Variants in UBA5 observed in about 807,000 individuals in gnomAD.
UBA5 encodes the protein ubiquitin-like modifier-activating enzyme 5.
Under a neutral mutation model 52.9 loss-of-function variants are expected in UBA5, and 28 were observed. That is an observed-to-expected ratio of 0.53 (90% confidence interval 0.39 to 0.73). UBA5 has a LOEUF of 0.73. UBA5 is among the 30% of genes least tolerant of loss of function. The probability of loss-of-function intolerance (pLI) is 0.00; values close to 1 mark genes in which losing one functional copy is unlikely to be tolerated. For missense variants in UBA5, 388 were observed against 492.7 expected (o/e 0.79, Z 2.01); for synonymous variants, 135 against 162.1 (o/e 0.83, Z 1.27).
upstream of UBA5, among the ~76,000 whole-genome samples, chr3:132,658,236 T>C (rs1200055187): frequency 1.3e-5 from 2 of 152,182 alleles, no homozygotes; most frequent in African/African-American, 4.8e-5. Context: ...CTATGTGTTT[T>C]CAATTTTTAT....
rs1938086549 is a variant in UBA5, at chr3:132,660,437, G to A, written c.-101G>A. 6.9e-7 allele frequency: 1 copy of A among 1,452,204 alleles called. No individual in the cohort carries two copies. Among genetic ancestry groups the A allele is most frequent in the Admixed American group, 2.1e-5 (1 of 48,378 alleles). The allele number at this position is 1,452,204 out of a possible 1,614,324, so 90.0% of individuals were successfully genotyped here. On this transcript the variant is annotated 5_prime_UTR_variant, in exon 1 of 12. Coordinates refer to ENST00000356232, the MANE Select transcript of UBA5 (RefSeq NM_024818.6). This position sits in a 1 kb window ranked among gnomAD's most constrained non-coding sequence, Gnocchi z 4.1. Reference sequence around the variant, plus strand: ...CTCTGGGCTAGGAAGGCAGCGGCGAGGTGCCTCCCCACGTACCCCTCGCGG... The same window carrying A: ...CTCTGGGCTAGGAAGGCAGCGGCGAAGTGCCTCCCCACGTACCCCTCGCGG...
At chr3:132,672,693 C>G (rs1289508253) in intron 8 of UBA5, among the ~76,000 whole-genome samples, 2 of 152,080 alleles carry the variant, frequency 1.3e-5, no homozygotes, top group Non-Finnish European at 2.9e-5. Flanking sequence ...AAAATGTTAA[C>G]ATTTATATTA....
intron 4 of UBA5, among the ~76,000 whole-genome samples, chr3:132,669,283 T>G (rs1938504856): frequency 6.6e-6 from 1 of 152,108 alleles, no homozygotes; most frequent in African/African-American, 2.4e-5. Flanking sequence ...AAATAAAATT[T>G]TTTTGAGACA....
At position 132,663,969 on chromosome 3, in the gene UBA5, A is replaced by G. The variant is rs779014409; in HGVS notation, c.162-1854A>G. ...TAGAAGTGTTGGAAAATAAAGTTGA[A>G]AGAAATCATCCAGAGAATAGAGCAG... On this transcript the variant is annotated intron_variant, in intron 1 of 11. Coordinates refer to ENST00000356232, the MANE Select transcript of UBA5 (RefSeq NM_024818.6). 1.2e-4 allele frequency among the ~76,000 whole-genome samples: 18 copies of G among 152,320 alleles called. No individual in the cohort carries two copies. In the Middle Eastern group the frequency reaches 0.014, roughly 115 times the overall value.
chr3:132,654,960 C>A (rs1937704661), intron 1 of UBA5, among the ~76,000 whole-genome samples: 1 of 152,198 alleles, frequency 6.6e-6, no homozygotes, highest in Non-Finnish European at 1.5e-5. Context: ...AGGCTATAAA[C>A]CTGTGCAGCA....
At chr3:132,673,824 C>T (rs542862934) in intron 8 of UBA5, among the ~76,000 whole-genome samples, 7 of 152,210 alleles carry the variant, frequency 4.6e-5, no homozygotes, top group African/African-American at 1.4e-4. Flanking sequence ...ACCACCACGC[C>T]CAGCTAATGT....
chr3:132,670,612 AAAT>A (rs142446576), intron 5 of UBA5: 8,240 of 224,566 alleles, frequency 0.037, 710 homozygotes, highest in African/African-American at 0.18. Flanking sequence ...ACCACCACTG[AAAT>A]AATGAGTTGC....
chr3:132,663,685 T>A (rs915641490), intron 1 of UBA5, among the ~76,000 whole-genome samples: 1 of 152,184 alleles, frequency 6.6e-6, no homozygotes, highest in Non-Finnish European at 1.5e-5. Context: ...GTCAAACAGT[T>A]ATTGCCTATA....
At chr3:132,668,674 A>G (rs1383932384) in intron 3 of UBA5, 144 bp from the exon 4 acceptor site, 7 of 523,140 alleles carry the variant, frequency 1.3e-5, no homozygotes, top group Non-Finnish European at 2.3e-5. Flanking sequence ...CAATGAATTA[A>G]TATATGGCAC....
chr3:132,659,352 C>G, upstream of UBA5: 1 of 502,500 alleles, frequency 2.0e-6, no homozygotes, highest in Non-Finnish European at 3.4e-6. Flanking sequence ...TAAATCCATC[C>G]TTTAACAAAG....
At chr3:132,662,373 T>C (rs192346384) in intron 1 of UBA5, among the ~76,000 whole-genome samples, 41 of 152,338 alleles carry the variant, frequency 2.7e-4, no homozygotes, top group Non-Finnish European at 4.4e-4. Flanking sequence ...GAGTACTTAT[T>C]GTGTGCAGAC....
chr3:132,661,084 A>C (rs1178472721), intron 1 of UBA5: 1 of 1,295,020 alleles, frequency 7.7e-7, no homozygotes, highest in Non-Finnish European at 1.0e-6. Context: ...TTATCAATGC[A>C]TCTTAAATGG....
intron 3 of UBA5, 61 bp downstream of exon 3, chr3:132,666,134 T>A: frequency 6.9e-7 from 1 of 1,455,608 alleles, no homozygotes. Flanking sequence ...GTAAATCAGG[T>A]ACAAGTTAGG....
intron 1 of UBA5, among the ~76,000 whole-genome samples, chr3:132,654,880 G>A (rs1273351422): frequency 6.6e-6 from 1 of 152,208 alleles, no homozygotes; most frequent in Admixed American, 6.5e-5. Flanking sequence ...GCTGGTTGGA[G>A]TTAGCATAAA....
Position 132,660,583 on chromosome 3 carries a change from G to A in UBA5, c.46G>A (p.Glu16Lys). Residue 16 changes from glutamate (E) to lysine (K), a missense_variant, in exon 1 of 12, where the codon GAG becomes AAG. Physicochemically the swap from Glu to Lys is moderately conservative, Grantham distance 56. Coordinates refer to ENST00000356232, the MANE Select transcript of UBA5 (RefSeq NM_024818.6). This position sits in a 1 kb window ranked among gnomAD's most constrained non-coding sequence, Gnocchi z 4.1. ...CCTGCAGCAGCGGGTCCAGGAGCTG[G>A]AGCGGGAACTTGCCCAGGAGAGGAG... ...ERLQQRVQEL[E>K]RELAQERSLQ... 1 of 1,552,092 alleles carries A rather than the reference G, an allele frequency of 6.4e-7. No individual in the cohort carries two copies. Among genetic ancestry groups the A allele is most frequent in the Non-Finnish European group, 8.7e-7 (1 of 1,148,072 alleles).
At chr3:132,663,396 G>C (rs1938247931) in intron 1 of UBA5, among the ~76,000 whole-genome samples, 1 of 152,168 alleles carries the variant, frequency 6.6e-6, no homozygotes, top group Non-Finnish European at 1.5e-5. Context: ...AATTGGGGCA[G>C]GTCTTTGTAC....
At position 132,678,183 on chromosome 3, in the gene UBA5, C is replaced by T. The variant is rs575400965; in HGVS notation, c.*1657C>T. On this transcript the variant is annotated 3_prime_UTR_variant, in exon 12 of 12. Transcript: ENST00000356232. ...TGTCTTACACTGCACCAAATGTTACCTAATTGACCTAACTTTTTTTGTCTA... is the reference window on the plus strand; with the variant it reads ...TGTCTTACACTGCACCAAATGTTACTTAATTGACCTAACTTTTTTTGTCTA... 1.8e-4 allele frequency: 28 copies of T among 152,168 alleles called. No individual in the cohort carries two copies. The allele number at this position is 152,168 out of a possible 1,614,324, so 9.4% of individuals were successfully genotyped here.
upstream of UBA5, among the ~76,000 whole-genome samples, chr3:132,655,336 T>G (rs1937730549): frequency 6.6e-6 from 1 of 152,156 alleles, no homozygotes; most frequent in African/African-American, 2.4e-5. Flanking sequence ...TTTGTTTGTT[T>G]AAAGATTACT....
At chr3:132,659,973 C>T (rs1030264231), upstream of UBA5, 1 of 486,226 alleles carries the variant, frequency 2.1e-6, no homozygotes, top group African/African-American at 2.0e-5. Context: ...AATGTGTGTT[C>T]GGGTTTCAAT....
Sources: gnomAD v4.1 joint callset for allele counts (sites outside exome capture counted in the v4.1 genomes callset) on GRCh38, gnomAD v4.1.1 for gene constraint, Gnocchi (gnomAD v3.1) non-coding constraint, MANE v1.5 for transcripts, NCBI Gene and HGNC (gene_info 2026-07-23, HGNC 2026-07-21) for gene names.